AUTS2: variants seen among roughly 807,000 people sequenced by gnomAD.
AUTS2 encodes autism susceptibility gene 2 protein.
Under a neutral mutation model 112.4 loss-of-function variants are expected in AUTS2, and 17 were observed. The observed-to-expected ratio is 0.15, with a 90% CI of 0.10 to 0.23. AUTS2 has a LOEUF of 0.23. AUTS2 is among the 10% of genes least tolerant of loss of function. AUTS2 has a pLI of 1.00. For missense variants in AUTS2, 1,510 were observed against 1,701.6 expected, an observed-to-expected ratio of 0.89 and a Z score of 1.98; for synonymous variants, 751 against 702.7, an observed-to-expected ratio of 1.07 and a Z score of -1.09.
chr7:70,516,211 A>G (rs1177844037), intron 5 of AUTS2, among the ~76,000 whole-genome samples: 2 of 152,120 alleles, frequency 1.3e-5, no homozygotes, highest in Non-Finnish European at 2.9e-5. Context: ...AGAGTTTTTT[A>G]CCTATAAAGA....
chr7:69,854,280 A>G (rs2129530240), intron 1 of AUTS2, among the ~76,000 whole-genome samples: 1 of 152,276 alleles, frequency 6.6e-6, no homozygotes, highest in East Asian at 1.9e-4. Flanking sequence ...AGAGAAGTCA[A>G]GTGATTTGCT....
intron 5 of AUTS2, among the ~76,000 whole-genome samples, chr7:70,567,658 A>G (rs1213013274): frequency 6.6e-6 from 1 of 152,222 alleles, no homozygotes; most frequent in Non-Finnish European, 1.5e-5. Context: ...GGCAGTACAC[A>G]GTGCCGGCAG....
chr7:70,732,356 A>G (rs1787467305), intron 6 of AUTS2, among the ~76,000 whole-genome samples: 1 of 152,154 alleles, frequency 6.6e-6, no homozygotes, highest in Non-Finnish European at 1.5e-5. Flanking sequence ...CCATGTCCTG[A>G]GCACTTCCCT....
intron 2 of AUTS2, among the ~76,000 whole-genome samples, chr7:70,099,176 T>G (rs372626892): frequency 1.9e-4 from 29 of 152,314 alleles, no homozygotes; most frequent in African/African-American, 6.3e-4. Context: ...CCTCTTTCTC[T>G]CTCTTTTCCT....
chr7:70,197,307 C>T (rs1179560450), intron 4 of AUTS2, among the ~76,000 whole-genome samples: 1 of 152,122 alleles, frequency 6.6e-6, no homozygotes, highest in Non-Finnish European at 1.5e-5. Flanking sequence ...CTTCTAAAGA[C>T]ACTGGAAAGA....
In AUTS2 at chr7:70,412,916, G is replaced by C. The variant is rs184483008; in HGVS notation, c.661-22836G>C. 2.6e-5 allele frequency among the ~76,000 whole-genome samples: 4 copies of C among 152,316 alleles called. No homozygotes were observed. The East Asian group carries it at 7.7e-4, about 29-fold the overall frequency. ...TGAGGCGGGAGAATCGCTTGAACCCGGGGGTCAGAGGTCGCAGGAGCCGAG... is the reference window on the plus strand; with the variant it reads ...TGAGGCGGGAGAATCGCTTGAACCCCGGGGTCAGAGGTCGCAGGAGCCGAG... On this transcript the variant is annotated intron_variant, in intron 4 of 18. Transcript: ENST00000342771.
At chr7:70,426,041 G>A (rs944192235) in intron 4 of AUTS2, among the ~76,000 whole-genome samples, 10 of 152,194 alleles carry the variant, frequency 6.6e-5, no homozygotes, top group African/African-American at 1.7e-4. Context: ...CTGAAGCACA[G>A]AGAGGTTAAG....
At chr7:70,219,988 GACTTTACAGTCATTCAGTAGTT>G (rs1170687710) in intron 4 of AUTS2, among the ~76,000 whole-genome samples, 13 of 152,296 alleles carry the variant, frequency 8.5e-5, no homozygotes, top group South Asian at 8.3e-4. Context: ...CTAGGACTAA[GACTTTACAGTCATTCAGTAGTT>G]ACTTATTTGT....
intron 4 of AUTS2, among the ~76,000 whole-genome samples, chr7:70,229,158 AC>A (rs1325635249): frequency 6.6e-6 from 1 of 152,032 alleles, no homozygotes; most frequent in Non-Finnish European, 1.5e-5. Flanking sequence ...CTACATAGTT[AC>A]CTTTAACAAT....
intron 5 of AUTS2, among the ~76,000 whole-genome samples, chr7:70,539,972 C>G (rs1454489391): frequency 6.6e-6 from 1 of 152,186 alleles, no homozygotes; most frequent in Admixed American, 6.5e-5. Context: ...CTCATCCAGC[C>G]CTACTCCTCC....
chr7:70,156,023 C>T (rs867207620), intron 4 of AUTS2, among the ~76,000 whole-genome samples: 19 of 152,254 alleles, frequency 1.2e-4, no homozygotes, highest in South Asian at 1.0e-3. Context: ...TCTGCTGACA[C>T]GTGGGTAGTG....
chr7:70,670,375 A>T (rs6966098), intron 5 of AUTS2, among the ~76,000 whole-genome samples: 9,400 of 152,286 alleles, frequency 0.062, 396 homozygotes, highest in Non-Finnish European at 0.093. Context: ...CCTCATATGC[A>T]TGTGTCAGAA....
chr7:70,193,297 C>T (rs986834929), intron 4 of AUTS2, among the ~76,000 whole-genome samples: 14 of 152,098 alleles, frequency 9.2e-5, no homozygotes, highest in Non-Finnish European at 1.8e-4. Context: ...GGAAAAGAAA[C>T]GGCTTTTGAA....
At chr7:70,083,689 G>A (rs188138090) in intron 2 of AUTS2, among the ~76,000 whole-genome samples, 58 of 152,274 alleles carry the variant, frequency 3.8e-4, no homozygotes, top group African/African-American at 1.4e-3. Context: ...GCTTACACCT[G>A]TAATCCCAGC....
At chr7:70,133,675 G>A (rs1806393227) in intron 3 of AUTS2, among the ~76,000 whole-genome samples, 1 of 152,152 alleles carries the variant, frequency 6.6e-6, no homozygotes, top group African/African-American at 2.4e-5. Context: ...TTCATTTCAA[G>A]CTTAATCACA....
chr7:70,538,633 G>A (rs1369663324), intron 5 of AUTS2, among the ~76,000 whole-genome samples: 1 of 152,148 alleles, frequency 6.6e-6, no homozygotes, highest in Non-Finnish European at 1.5e-5. Context: ...TTATTTAAAG[G>A]TTGTTGATTT....
At chr7:70,770,346 G>A (rs1409633279) in intron 10 of AUTS2, among the ~76,000 whole-genome samples, 2 of 152,186 alleles carry the variant, frequency 1.3e-5, no homozygotes, top group Non-Finnish European at 1.5e-5. Context: ...AAAAGGACGT[G>A]CTCTGAACAC....
chr7:69,933,376 A>C (rs888152070), intron 2 of AUTS2, among the ~76,000 whole-genome samples: 1 of 152,252 alleles, frequency 6.6e-6, no homozygotes, highest in African/African-American at 2.4e-5. Context: ...TTATGCTTTC[A>C]GAGATTTCAT....
At chr7:69,669,559 A>T (rs1796219507) in intron 1 of AUTS2, among the ~76,000 whole-genome samples, 1 of 152,180 alleles carries the variant, frequency 6.6e-6, no homozygotes, top group South Asian at 2.1e-4. Context: ...GTTATAAATA[A>T]CATGTATTTA....
Sources: gnomAD v4.1 joint callset for allele counts (sites outside exome capture counted in the v4.1 genomes callset) on GRCh38, gnomAD v4.1.1 for gene constraint, MANE v1.5 for transcripts, NCBI Gene and HGNC (gene_info 2026-07-23, HGNC 2026-07-21) for gene names.